Variants in CSDE1 observed in about 807,000 individuals in gnomAD.
CSDE1 encodes cold shock domain-containing protein E1.
A neutral mutation model predicts 89.3 loss-of-function variants in CSDE1; 17 were observed. The observed-to-expected ratio is 0.19, with a 90% confidence interval of 0.13 to 0.29. CSDE1 has a LOEUF of 0.29. Among genes scored for constraint, CSDE1 ranks in the 10% least tolerant of loss-of-function variants. The pLI is 1.00. For missense variants in CSDE1, 672 were observed against 984.2 expected (o/e 0.68, Z 4.24); for synonymous variants, 322 against 332.8 (o/e 0.97, Z 0.35).
At chr1:114,737,043 G>A (rs1268330174) in intron 5 of CSDE1, among the ~76,000 whole-genome samples, 188 bp from the exon 6 acceptor site, 1 of 152,032 alleles carries the variant, frequency 6.6e-6, no homozygotes, top group Non-Finnish European at 1.5e-5. Context: ...TGACTTCTGC[G>A]AGTCCACAGC....
rs765633469 is a variant in CSDE1, at chr1:114,719,631, T to C, written c.2164A>G (p.Ile722Val). 1.6e-5 allele frequency: 26 copies of C among 1,613,880 alleles called. No homozygotes were observed. The South Asian group carries it at 2.9e-4, about 18-fold the overall frequency. Residue 722 changes from isoleucine to valine, a missense_variant, in exon 18 of 20, where the codon ATT becomes GTT. Coordinates refer to ENST00000358528, the MANE Select transcript of CSDE1 (RefSeq NM_001007553.3). Reference protein sequence around the residue: ...QAGDEVEFSVILNQRTGKCSA... With the variant: ...QAGDEVEFSVVLNQRTGKCSA... The stretch of plus-strand genomic sequence containing the variant: ...CACTTGCCAGTGCGCTGATTAAGAA[T>C]CACTGAGAACTCCACCTCATCTCCT...
intron 3 of CSDE1, among the ~76,000 whole-genome samples, chr1:114,739,125 A>G (rs1463865437): frequency 2.0e-5 from 3 of 151,646 alleles, no homozygotes; most frequent in Admixed American, 6.6e-5. Context: ...TCCGCCTCCC[A>G]GGTTCACACC....
At chr1:114,726,144 T>A (rs879034311) in intron 14 of CSDE1, 67 bp downstream of exon 14, 3 of 1,461,698 alleles carry the variant, frequency 2.1e-6, no homozygotes, top group Non-Finnish European at 2.8e-6. Flanking sequence ...ATACTAAATG[T>A]TTTTTATTCC....
intron 14 of CSDE1, 62 bp from the exon 15 acceptor site, chr1:114,725,395 G>A (rs1480837484): frequency 1.7e-5 from 22 of 1,280,580 alleles, no homozygotes; most frequent in Non-Finnish European, 2.3e-5. Context: ...GTAACAGGCA[G>A]TCTTTATTTT....
At chr1:114,740,516 GC>G (rs1660668260) in intron 2 of CSDE1, among the ~76,000 whole-genome samples, 1 of 152,112 alleles carries the variant, frequency 6.6e-6, no homozygotes, top group Non-Finnish European at 1.5e-5. Flanking sequence ...GACAGCAAAA[GC>G]ATTTCCATTT....
chr1:114,738,661 CTTTTTTTTT>C lies in CSDE1; in HGVS notation c.200-598_200-590del, dbSNP rs752985259. Among the ~76,000 whole-genome samples the C allele has an allele frequency of 2.7e-3, 218 of 80,032 alleles. 2 individuals carry two copies. Among genetic ancestry groups the C allele is most frequent in the South Asian group, 7.5e-3 (16 of 2,130 alleles). 52.5% of individuals were successfully genotyped at this position (80,032 alleles called of 152,430 possible). On this transcript the variant is annotated intron_variant, in intron 3 of 19. Coordinates refer to ENST00000358528, the MANE Select transcript of CSDE1 (RefSeq NM_001007553.3). ...AAGCCAAACACTTCACATGTAAAAACTTTTTTTTTTTTTTTTTTTTTTTTTTTTTGAGAC... is the reference window on the plus strand; with the variant it reads ...AAGCCAAACACTTCACATGTAAAAACTTTTTTTTTTTTTTTTTTTTGAGAC...
At chr1:114,750,377 T>C (rs1311573142) in intron 1 of CSDE1, among the ~76,000 whole-genome samples, 170 bp from the exon 2 acceptor site, 1 of 152,218 alleles carries the variant, frequency 6.6e-6, no homozygotes, top group East Asian at 1.9e-4. Context: ...ATCTCTCAAG[T>C]ACTAGCAACT....
chr1:114,751,649 GAT>G (rs143306098), intron 1 of CSDE1, among the ~76,000 whole-genome samples: 4,091 of 151,018 alleles, frequency 0.027, 197 homozygotes, highest in African/African-American at 0.094. Flanking sequence ...ACCCAGACTA[GAT>G]ATATGTCTCA....
chr1:114,719,334 G>T (rs1659381581), intron 18 of CSDE1, among the ~76,000 whole-genome samples: 1 of 152,136 alleles, frequency 6.6e-6, no homozygotes, highest in South Asian at 2.1e-4. Context: ...AATCAGCATG[G>T]CTAAACTATT....
chr1:114,743,116 C>T (rs1222760264), intron 2 of CSDE1, among the ~76,000 whole-genome samples: 2 of 152,086 alleles, frequency 1.3e-5, no homozygotes, highest in Non-Finnish European at 2.9e-5. Flanking sequence ...GACTTTCAAG[C>T]TGTGCTTCTT....
intron 2 of CSDE1, among the ~76,000 whole-genome samples, chr1:114,747,585 C>T (rs1197096982): frequency 6.6e-6 from 1 of 152,190 alleles, no homozygotes; most frequent in East Asian, 1.9e-4. Flanking sequence ...TCTTGCCAGG[C>T]ACGGTGGCTC....
At chr1:114,730,468 A>T in intron 11 of CSDE1, 40 bp downstream of exon 11, 1 of 1,611,578 alleles carries the variant, frequency 6.2e-7, no homozygotes, top group South Asian at 1.1e-5. Flanking sequence ...AAAAGAAAGC[A>T]TCAAGAAACA....
chr1:114,739,395 T>A (rs913556897), intron 3 of CSDE1, among the ~76,000 whole-genome samples: 2 of 152,186 alleles, frequency 1.3e-5, no homozygotes, highest in Non-Finnish European at 2.9e-5. Flanking sequence ...CCTGACAGAA[T>A]AATCATAAGT....
rs1570913828 is a variant in CSDE1 at position 114,731,232 on chromosome 1, G to A, written c.1051-584C>T. Among the ~76,000 whole-genome samples the A allele has an allele frequency of 2.0e-5, 3 of 150,964 alleles. No homozygotes were observed. The South Asian group carries it at 6.3e-4, about 31-fold the overall frequency. On this transcript the variant is annotated intron_variant, in intron 10 of 19. Transcript: ENST00000358528. ...GAACACAAATTATCAATCTGCTATT[G>A]TATTACATACTACATATCTGCTCAC...
At chr1:114,731,575 C>T (rs1012156704) in intron 10 of CSDE1, among the ~76,000 whole-genome samples, 5 of 152,076 alleles carry the variant, frequency 3.3e-5, no homozygotes, top group Non-Finnish European at 5.9e-5. Context: ...TGATCCCAAA[C>T]GTAACTAAAT....
In CSDE1 at chr1:114,746,142, C is replaced by T. The variant is rs78503187; in HGVS notation, c.-1+3679G>A. On this transcript the variant is annotated intron_variant, in intron 2 of 19. Transcript: ENST00000358528. ...CTCAGACATACCTCCCCTTGACTTCCACTGTTTCTTCCAATTTTCTGAACA... is the reference window on the plus strand; with the variant it reads ...CTCAGACATACCTCCCCTTGACTTCTACTGTTTCTTCCAATTTTCTGAACA... Among the ~76,000 whole-genome samples, 57 of 152,276 alleles carry T rather than the reference C, an allele frequency of 3.7e-4. No homozygotes were observed. The East Asian group carries it at 3.9e-3, about 10-fold the overall frequency.
intron 3 of CSDE1, 83 bp from the exon 4 acceptor site, chr1:114,738,155 T>C: frequency 9.6e-7 from 1 of 1,045,358 alleles, no homozygotes; most frequent in East Asian, 2.4e-5. Flanking sequence ...TAACATAGCA[T>C]TTGAATTGCC....
At chr1:114,724,513 A>G (rs1165233431) in intron 15 of CSDE1, among the ~76,000 whole-genome samples, 2 of 152,216 alleles carry the variant, frequency 1.3e-5, no homozygotes, top group African/African-American at 2.4e-5. Flanking sequence ...CTGTATCCCC[A>G]GTGTCTAAAA....
At chr1:114,735,226 C>G (rs1660336099) in intron 6 of CSDE1, among the ~76,000 whole-genome samples, 1 of 152,154 alleles carries the variant, frequency 6.6e-6, no homozygotes, top group African/African-American at 2.4e-5. Context: ...ATAACATAGA[C>G]TGTATAAGAC....
Sources: allele counts gnomAD v4.1 joint callset (sites outside exome capture counted in the v4.1 genomes callset), GRCh38; gene constraint gnomAD v4.1.1; transcripts MANE v1.5; gene names NCBI Gene and HGNC (gene_info 2026-07-23, HGNC 2026-07-21).